ZNF488: variants seen among roughly 807,000 people sequenced by gnomAD.
ZNF488 encodes the protein zinc finger protein 488.
A neutral mutation model predicts 1.2 loss-of-function variants in ZNF488; 1 was observed. That is an observed-to-expected ratio of 0.86 (90% CI 0.30 to 4.07). ZNF488 has a LOEUF of 4.07. ZNF488 is among the 30% of genes most tolerant of loss of function. ZNF488 has a pLI of 0.18. For missense variants in ZNF488, 450 were observed against 437.9 expected (o/e 1.03, Z -0.25); for synonymous variants, 185 against 190.1 (o/e 0.97, Z 0.22).
chr10:47,372,667 CAG>C (rs1837522496), intron 1 of ZNF488, among the ~76,000 whole-genome samples: 1 of 152,252 alleles, frequency 6.6e-6, no homozygotes, highest in Non-Finnish European at 1.5e-5. Flanking sequence ...ATGAAAATTT[CAG>C]AAAGTGCATG....
intron 1 of ZNF488, among the ~76,000 whole-genome samples, chr10:47,376,206 A>G (rs1180066608): frequency 1.3e-5 from 2 of 152,194 alleles, no homozygotes; most frequent in African/African-American, 4.8e-5. Flanking sequence ...TGGACCATGG[A>G]CTGCCTGGGG....
chr10:47,370,675 T>C (rs568030532), intron 1 of ZNF488, among the ~76,000 whole-genome samples: 119 of 152,304 alleles, frequency 7.8e-4, no homozygotes, highest in Non-Finnish European at 1.5e-3. Context: ...TCCAGAGACA[T>C]GGTGAACAAA....
intron 1 of ZNF488, among the ~76,000 whole-genome samples, chr10:47,383,325 T>C (rs1838056906): frequency 6.6e-6 from 1 of 152,238 alleles, no homozygotes; most frequent in African/African-American, 2.4e-5. Flanking sequence ...AAATTTACTG[T>C]TAATTTCTTA....
At chr10:47,382,557 T>C (rs1291836812) in intron 1 of ZNF488, among the ~76,000 whole-genome samples, 1 of 152,140 alleles carries the variant, frequency 6.6e-6, no homozygotes, top group Non-Finnish European at 1.5e-5. Flanking sequence ...GCAAAGTCTT[T>C]TATCCCTCCC....
At position 47,366,036 on chromosome 10, in the gene ZNF488, C is replaced by T. The variant is rs1555212756; in HGVS notation, c.*1771G>A. 1 of 167,034 alleles carries T rather than the reference C, an allele frequency of 6.0e-6. No individual in the cohort carries two copies. The highest frequency in any genetic ancestry group is 1.9e-4 in the East Asian group (1 of 5,208). The allele number at this position is 167,034 out of a possible 1,614,324, so 10.3% of individuals were successfully genotyped here. On this transcript the variant is annotated 3_prime_UTR_variant, in exon 2 of 2. Transcript: ENST00000585316. ...GTTATAGCATCATCTGCAATTGACTCATTGTAGAAATGGAAAGGAAACAGC... is the reference window on the plus strand; with the variant it reads ...GTTATAGCATCATCTGCAATTGACTTATTGTAGAAATGGAAAGGAAACAGC...
Position 47,366,693 on chromosome 10 carries a change from C to A in ZNF488, c.*1114G>T, listed in dbSNP as rs1285813246. On this transcript the variant is annotated 3_prime_UTR_variant, in exon 2 of 2. Coordinates refer to ENST00000585316, the MANE Select transcript of ZNF488 (RefSeq NM_153034.4). The stretch of plus-strand genomic sequence containing the variant: ...CAAGGGCTGATGCGGGTACCTACAA[C>A]AGCTACTGACCGAAACGCAGTAGAT... 6.0e-6 allele frequency: 1 copy of A among 167,104 alleles called. No homozygotes were observed. The highest frequency in any genetic ancestry group is 1.5e-5 in the Non-Finnish European group (1 of 68,134). The allele number at this position is 167,104 out of a possible 1,614,324, so 10.4% of individuals were successfully genotyped here.
intron 1 of ZNF488, among the ~76,000 whole-genome samples, chr10:47,377,126 G>C (rs1421327812): frequency 2.6e-5 from 4 of 152,204 alleles, no homozygotes; most frequent in Non-Finnish European, 5.9e-5. Context: ...CAGGAAGAGT[G>C]GGGTGGACTG....
chr10:47,377,053 T>C (rs1555214487), intron 1 of ZNF488, among the ~76,000 whole-genome samples: 1 of 152,216 alleles, frequency 6.6e-6, no homozygotes, highest in Non-Finnish European at 1.5e-5. Context: ...CCTACTGGAC[T>C]GTTGGTCCCT....
chr10:47,374,650 GA>G (rs1255521345), intron 1 of ZNF488, among the ~76,000 whole-genome samples: 2 of 151,942 alleles, frequency 1.3e-5, no homozygotes, highest in South Asian at 2.1e-4. Flanking sequence ...AGGGTAGCCA[GA>G]AAAAAAAGCC....
chr10:47,380,452 C>T (rs998836934), intron 1 of ZNF488, among the ~76,000 whole-genome samples: 1 of 152,300 alleles, frequency 6.6e-6, no homozygotes, highest in African/African-American at 2.4e-5. Context: ...CCATGCCTGG[C>T]CTTCCCCACC....
intron 1 of ZNF488, among the ~76,000 whole-genome samples, chr10:47,379,430 A>AT (rs1555214824): frequency 8.8e-6 from 1 of 113,598 alleles, no homozygotes; most frequent in African/African-American, 3.5e-5. Flanking sequence ...TAACATCCAG[A>AT]TCTTAATAAG....
At chr10:47,374,278 C>G (rs1837592424) in intron 1 of ZNF488, among the ~76,000 whole-genome samples, 1 of 152,138 alleles carries the variant, frequency 6.6e-6, no homozygotes, top group South Asian at 2.1e-4. Context: ...TTTTGACAAG[C>G]TAAAGGGCAA....
In ZNF488 at chr10:47,366,784, A is replaced by G. The variant is rs782094630; in HGVS notation, c.*1023T>C. 2 of 167,056 alleles carry G rather than the reference A, an allele frequency of 1.2e-5. No homozygotes were observed. The highest frequency in any genetic ancestry group is 6.5e-5 in the Admixed American group (1 of 15,282). 10.3% of individuals were successfully genotyped at this position (167,056 alleles called of 1,614,324 possible). On this transcript the variant is annotated 3_prime_UTR_variant, in exon 2 of 2. Transcript: ENST00000585316. ...GAAGCCTAGTTTTTGCACATGTCCT[A>G]TTCTTGGAAGGTAAAACAGCATGTG...
At chr10:47,382,325 T>G (rs1555215587) in intron 1 of ZNF488, among the ~76,000 whole-genome samples, 4 of 152,248 alleles carry the variant, frequency 2.6e-5, no homozygotes, top group Non-Finnish European at 4.4e-5. Flanking sequence ...CCTTCCGACC[T>G]TCCCAGGTTC....
rs1434170152 is a variant in ZNF488 at position 47,366,974 on chromosome 10, A to G, written c.*833T>C. The stretch of plus-strand genomic sequence containing the variant: ...CACAGCTTCACCAAGGGCAGCCTAC[A>G]CTTTTCCACTCCTTAATATTGGGCC... On this transcript the variant is annotated 3_prime_UTR_variant, in exon 2 of 2. Coordinates refer to ENST00000585316, the MANE Select transcript of ZNF488 (RefSeq NM_153034.4). The G allele has an allele frequency of 1.8e-5, 3 of 166,950 alleles. No homozygotes were observed. The highest frequency in any genetic ancestry group is 7.2e-5 in the African/African-American group (3 of 41,390). The allele number at this position is 166,950 out of a possible 1,614,324, so 10.3% of individuals were successfully genotyped here.
rs782467504 is a variant in ZNF488 at position 47,368,672 on chromosome 10, GTC to G, written c.156_157del (p.Lys52AsnfsTer7). 1.3e-5 allele frequency: 21 copies of G among 1,612,114 alleles called. No homozygotes were observed. In the African/African-American group the frequency reaches 2.7e-4, roughly 20 times the overall value. ...AGCAGCCTCAGGGCCCAGGCGGTTCGTCTTCTCGAGCAGCACTGGCTTGCAGC... is the reference window on the plus strand; with the variant it reads ...AGCAGCCTCAGGGCCCAGGCGGTTCGTTCTCGAGCAGCACTGGCTTGCAGC... On this transcript the variant is annotated frameshift_variant, in exon 2 of 2. Coordinates refer to ENST00000585316, the MANE Select transcript of ZNF488 (RefSeq NM_153034.4). LOFTEE classifies it low-confidence loss of function (END_TRUNC).
rs1177629311 is a variant in ZNF488 at position 47,367,901 on chromosome 10, T to C, written c.929A>G (p.Gln310Arg). 1 of 1,613,980 alleles carries C rather than the reference T, an allele frequency of 6.2e-7. No individual in the cohort carries two copies. Among genetic ancestry groups the C allele is most frequent in the African/African-American group, 1.3e-5 (1 of 74,930 alleles). Residue 310 changes from glutamine to arginine, a missense_variant, in exon 2 of 2, where the codon CAG becomes CGG. Coordinates refer to ENST00000585316, the MANE Select transcript of ZNF488 (RefSeq NM_153034.4). ...KEHAGPDPHS[Q>R]KRREEALACP... ...GGCAAGGGCCTCTTCTCTCCGCTTC[T>C]GAGAATGTGGGTCAGGCCCCGCATG...
chr10:47,381,072 C>T (rs532543344), intron 1 of ZNF488, among the ~76,000 whole-genome samples: 1 of 152,418 alleles, frequency 6.6e-6, no homozygotes, highest in South Asian at 2.1e-4. Context: ...TTTTCTCCTT[C>T]CTGCTCCACC....
Position 47,368,250 on chromosome 10 carries a change from C to T in ZNF488, c.580G>A (p.Gly194Arg), listed in dbSNP as rs1837304582. The change falls in exon 2 of 2, where the codon GGA becomes AGA. Residue 194 changes from glycine to arginine, a missense_variant. Coordinates refer to ENST00000585316, the MANE Select transcript of ZNF488 (RefSeq NM_153034.4). ...GCGAGGTCTGTAGTGTTGAGGAGTC[C>T]AGACAGCTCCCCCAGGGCATCTGCA... is the stretch of plus-strand genomic sequence containing the variant. The part of the protein sequence containing the change: ...ESADALGELS[G>R]LLNTTDLACW... 6.2e-7 allele frequency: 1 copy of T among 1,614,210 alleles called. No homozygotes were observed. Among genetic ancestry groups the T allele is most frequent in the Non-Finnish European group, 8.5e-7 (1 of 1,180,044 alleles).
Sources: allele counts gnomAD v4.1 joint callset (sites outside exome capture counted in the v4.1 genomes callset), GRCh38; gene constraint gnomAD v4.1.1; transcripts MANE v1.5; gene names NCBI Gene and HGNC (gene_info 2026-07-23, HGNC 2026-07-21).